Variants in NLRP4 observed in about 807,000 individuals in gnomAD.
NLRP4 encodes the protein NACHT, LRR and PYD domains-containing protein 4.
A neutral mutation model predicts 84.7 loss-of-function variants in NLRP4; 44 were observed. The ratio of observed to expected loss-of-function variants is 0.52; its 90% CI spans 0.41 to 0.67. NLRP4 has a LOEUF of 0.67. NLRP4 is among the 30% of genes least tolerant of loss of function. NLRP4 has a pLI of 0.00. For synonymous variants in NLRP4, 544 were observed against 476.4 expected, an observed-to-expected ratio of 1.14 and a Z score of -1.85; for missense variants, 1,260 against 1,219.4, an observed-to-expected ratio of 1.03 and a Z score of -0.50.
At position 55,850,028 on chromosome 19, in the gene NLRP4, TCCGAGA is replaced by T. The variant is rs1373232723; in HGVS notation, c.-65-1986_-65-1981del. On this transcript the variant is annotated intron_variant, in intron 1 of 9. Coordinates refer to ENST00000301295, the MANE Select transcript of NLRP4 (RefSeq NM_134444.5). ...TGATTTCCGAGACTGCGGTGTGATT[TCCGAGA>T]CTGCGGTGTGATTTCCGTAGCTGCG... 9.3e-3 allele frequency among the ~76,000 whole-genome samples: 1,348 copies of T among 145,170 alleles called. 277 individuals are homozygous for T. Among genetic ancestry groups the T allele is most frequent in the African/African-American group, 0.034 (1,266 of 37,324 alleles).
chr19:55,873,672 C>T (rs1985270345), intron 7 of NLRP4, among the ~76,000 whole-genome samples: 2 of 151,950 alleles, frequency 1.3e-5, no homozygotes, highest in African/African-American at 4.8e-5. Context: ...GAAAAAAAGA[C>T]CACGCAAATA....
chr19:55,847,909 G>T (rs1983861530), intron 1 of NLRP4, among the ~76,000 whole-genome samples: 2 of 151,956 alleles, frequency 1.3e-5, no homozygotes, highest in African/African-American at 4.8e-5. Flanking sequence ...TAGAGATGGG[G>T]TTTCACCATC....
intron 9 of NLRP4, among the ~76,000 whole-genome samples, chr19:55,881,190 G>C (rs2123077099): frequency 1.0e-5 from 1 of 97,374 alleles, no homozygotes; most frequent in South Asian, 3.4e-4. Context: ...ACTCTGTTTA[G>C]TGACAGCAAG....
At chr19:55,848,592 T>G (rs1035610350) in intron 1 of NLRP4, among the ~76,000 whole-genome samples, 1 of 152,128 alleles carries the variant, frequency 6.6e-6, no homozygotes, top group Admixed American at 6.5e-5. Flanking sequence ...TTAGTAGAGA[T>G]GGGGTTTCAC....
intron 2 of NLRP4, among the ~76,000 whole-genome samples, chr19:55,856,763 C>T (rs921745244): frequency 2.0e-5 from 3 of 152,128 alleles, no homozygotes; most frequent in African/African-American, 7.2e-5. Context: ...ATCTGCCCAC[C>T]TTGGCCTCCC....
chr19:55,849,993 GA>G (rs1568658329), intron 1 of NLRP4, among the ~76,000 whole-genome samples: 939 of 11,720 alleles, frequency 0.08, 62 homozygotes, highest in Admixed American at 0.13. Context: ...TAATTTCCGA[GA>G]CTGCGGTGTG....
intron 5 of NLRP4, among the ~76,000 whole-genome samples, chr19:55,864,701 C>T (rs1984885515): frequency 6.7e-6 from 1 of 149,734 alleles, no homozygotes; most frequent in Non-Finnish European, 1.5e-5. Context: ...CTAATTTCTC[C>T]ACATCTTTGC....
chr19:55,849,771 T>TAATTTCCAA (rs1983940981), intron 1 of NLRP4, among the ~76,000 whole-genome samples: 1 of 132,514 alleles, frequency 7.5e-6, no homozygotes, highest in Non-Finnish European at 1.5e-5. Flanking sequence ...GTAATTTCTG[T>TAATTTCCAA]AGCTGCGGTG....
intron 4 of NLRP4, 25 bp downstream of exon 4, chr19:55,861,572 C>G: frequency 1.2e-6 from 2 of 1,607,560 alleles, no homozygotes; most frequent in South Asian, 1.1e-5. Context: ...GACTTCGACT[C>G]GAGTATGTCA....
chr19:55,837,385 TAAG>T (rs965496245), intron 1 of NLRP4, among the ~76,000 whole-genome samples: 2 of 152,018 alleles, frequency 1.3e-5, no homozygotes, highest in African/African-American at 4.8e-5. Flanking sequence ...TCGAAAATAA[TAAG>T]ATATTAAGTA....
rs765184975 is a variant in NLRP4 at position 55,858,491 on chromosome 19, G to C, written c.1098G>C (p.Gln366His). 4.2e-5 allele frequency: 68 copies of C among 1,614,008 alleles called. No individual in the cohort carries two copies. In the African/African-American group the frequency reaches 8.4e-4, roughly 20 times the overall value. ...QKGKDLALTCQSTTSVYSSFV... is the reference protein window; with the variant it reads ...QKGKDLALTCHSTTSVYSSFV... ...GAAAAGACCTGGCCCTGACCTGCCA[G>C]AGCACTACCTCTGTGTACTCCTCTT... The change falls in exon 3 of 10, where the codon CAG becomes CAC. Residue 366 changes from glutamine to histidine, a missense_variant. Transcript: ENST00000301295. The surrounding 1 kb of genome is among the most constrained non-coding windows in gnomAD (Gnocchi z 4.2).
chr19:55,850,826 T>TTCCCGAGGCTGCG (rs1984085730), intron 1 of NLRP4, among the ~76,000 whole-genome samples: 5 of 106,970 alleles, frequency 4.7e-5, no homozygotes, highest in Non-Finnish European at 7.0e-5. Context: ...TGCGGTGTAA[T>TTCCCGAGGCTGCG]GTCCGAGGCT....
chr19:55,854,124 C>T (rs2123024294), intron 2 of NLRP4, among the ~76,000 whole-genome samples: 1 of 152,178 alleles, frequency 6.6e-6, no homozygotes, highest in Admixed American at 6.5e-5. Context: ...TGCCCGCCAC[C>T]ACACCCGGCT....
chr19:55,866,355 A>G (rs1018570191), intron 5 of NLRP4, among the ~76,000 whole-genome samples: 7 of 152,190 alleles, frequency 4.6e-5, no homozygotes, highest in African/African-American at 1.4e-4. Flanking sequence ...TCTTAAATCT[A>G]GAAAGAACAT....
Position 55,881,542 on chromosome 19 carries a change from G to T in NLRP4, c.2940G>T (p.Leu980=). The change falls in exon 10 of 10, where the codon CTG becomes CTT. Residue 980 remains leucine, a synonymous_variant. Transcript: ENST00000301295. ...CTGAGGAAGAGAGAAATCCTAACCT[G>T]ACCATCACAGACGACTGTGACACAA... ...LTAEEERNPN[L]TITDDCDTIT... 1 of 1,608,398 alleles carries T rather than the reference G, an allele frequency of 6.2e-7. No homozygotes were observed. The highest frequency in any genetic ancestry group is 1.1e-5 in the South Asian group (1 of 90,948).
chr19:55,867,937 T>C, intron 6 of NLRP4, 61 bp downstream of exon 6: 1 of 1,447,034 alleles, frequency 6.9e-7, no homozygotes, highest in Non-Finnish European at 9.6e-7. Flanking sequence ...AACCTGGGCC[T>C]ATTGATGACA....
At chr19:55,843,083 C>G (rs1045769100) in intron 1 of NLRP4, among the ~76,000 whole-genome samples, 1 of 152,094 alleles carries the variant, frequency 6.6e-6, no homozygotes, top group African/African-American at 2.4e-5. Flanking sequence ...TTATTTTATT[C>G]TGGTTAGACT....
Position 55,852,187 on chromosome 19 carries a change from A to G in NLRP4, c.107A>G (p.Gln36Arg). 1 of 1,606,882 alleles carries G rather than the reference A, an allele frequency of 6.2e-7. No individual in the cohort carries two copies. Among genetic ancestry groups the G allele is most frequent in the Non-Finnish European group, 8.5e-7 (1 of 1,178,106 alleles). Residue 36 changes from glutamine (Q) to arginine (R), a missense_variant, in exon 2 of 10, where the codon CAG becomes CGG. By Grantham distance (43) the Gln-to-Arg change is conservative. This residue lies in a region of NLRP4 where 712 missense variants were observed against 669.2 expected (regional missense o/e 1.06). Transcript: ENST00000301295. ...GAACATCTCAAGCAAATGACTTTGCAGCTTGAACTCAAGCAGATTCCCTGG... is the reference window on the plus strand; with the variant it reads ...GAACATCTCAAGCAAATGACTTTGCGGCTTGAACTCAAGCAGATTCCCTGG... ...FKEHLKQMTL[Q>R]LELKQIPWTE...
intron 2 of NLRP4, among the ~76,000 whole-genome samples, chr19:55,855,332 T>C (rs1253711418): frequency 6.6e-6 from 1 of 152,234 alleles, no homozygotes; most frequent in Non-Finnish European, 1.5e-5. Flanking sequence ...ACTTCTCTCT[T>C]TTCACAGTTG....
Sources: gnomAD v4.1 joint callset for allele counts (sites outside exome capture counted in the v4.1 genomes callset) on GRCh38, gnomAD v4.1.1 for gene constraint, gnomAD v4.1.1 regional missense constraint, Gnocchi (gnomAD v3.1) non-coding constraint, MANE v1.5 for transcripts, NCBI Gene and HGNC (gene_info 2026-07-23, HGNC 2026-07-21) for gene names.